CAPZB: variants seen among roughly 807,000 people sequenced by gnomAD.
CAPZB encodes the protein F-actin-capping protein subunit beta.
Under a neutral mutation model 38.1 loss-of-function variants are expected in CAPZB, and 2 were observed. The ratio of observed to expected loss-of-function variants is 0.05; its 90% CI spans 0.02 to 0.17. CAPZB has a LOEUF of 0.17. CAPZB is among the 10% of genes least tolerant of loss of function. The pLI is 1.00. For missense variants in CAPZB, 161 were observed against 334.2 expected, an observed-to-expected ratio of 0.48 and a Z score of 4.04; for synonymous variants, 107 against 127.4, an observed-to-expected ratio of 0.84 and a Z score of 1.08.
At chr1:19,342,879 C>T (rs1212441464) in intron 8 of CAPZB, 2 of 1,461,462 alleles carry the variant, frequency 1.4e-6, no homozygotes, top group Non-Finnish European at 1.9e-6. Flanking sequence ...AGAGAGTGTT[C>T]AAGATGAGTG....
intron 2 of CAPZB, 103 bp from the exon 3 acceptor site, chr1:19,385,729 T>C (rs775479259): frequency 2.8e-6 from 4 of 1,422,782 alleles, no homozygotes; most frequent in Non-Finnish European, 4.0e-6. Context: ...ACCTTTAACA[T>C]CTGGCCCTGG....
At chr1:19,410,031 A>G (rs1408607764) in intron 2 of CAPZB, among the ~76,000 whole-genome samples, 1 of 152,242 alleles carries the variant, frequency 6.6e-6, no homozygotes, top group African/African-American at 2.4e-5. Flanking sequence ...CATTTATTGA[A>G]CAATTATTTT....
At chr1:19,406,516 C>T (rs1318431727) in intron 2 of CAPZB, among the ~76,000 whole-genome samples, 2 of 152,178 alleles carry the variant, frequency 1.3e-5, no homozygotes, top group African/African-American at 4.8e-5. Flanking sequence ...CATTCAGAGT[C>T]AGCCATCCTC....
At chr1:19,466,741 G>A (rs1334413333) in intron 1 of CAPZB, among the ~76,000 whole-genome samples, 1 of 152,172 alleles carries the variant, frequency 6.6e-6, no homozygotes, top group Non-Finnish European at 1.5e-5. Flanking sequence ...GCAGGCCAAT[G>A]GGGTTTAAGG....
chr1:19,441,038 C>G (rs533640023), intron 1 of CAPZB, among the ~76,000 whole-genome samples: 2 of 151,954 alleles, frequency 1.3e-5, no homozygotes, highest in African/African-American at 4.8e-5. Context: ...CCAGCCTGGG[C>G]GACAGAGTGA....
intron 2 of CAPZB, among the ~76,000 whole-genome samples, chr1:19,387,249 GTCCCT>G (rs2094209147): frequency 6.6e-6 from 1 of 152,176 alleles, no homozygotes. Flanking sequence ...TGAGTCCAAA[GTCCCT>G]ACTCCTCCTA....
chr1:19,364,736 A>G (rs2094073532), intron 4 of CAPZB, among the ~76,000 whole-genome samples: 1 of 151,610 alleles, frequency 6.6e-6, no homozygotes, highest in Admixed American at 6.6e-5. Flanking sequence ...CAAACAGGCT[A>G]CTCCTCCCTC....
At chr1:19,344,463 CA>C in intron 7 of CAPZB, 29 bp from the exon 8 acceptor site, 1 of 1,589,198 alleles carries the variant, frequency 6.3e-7, no homozygotes, top group Non-Finnish European at 8.6e-7. Context: ...AGCGCAGTGG[CA>C]AAAGGTCAGG....
At chr1:19,385,408 G>A in intron 3 of CAPZB, 97 bp downstream of exon 3, 2 of 1,439,042 alleles carry the variant, frequency 1.4e-6, no homozygotes, top group Middle Eastern at 2.5e-4. Flanking sequence ...TGGGCTGCCA[G>A]CTGCCCAAGT....
chr1:19,394,807 C>T (rs1335942814), intron 2 of CAPZB, among the ~76,000 whole-genome samples: 1 of 152,176 alleles, frequency 6.6e-6, no homozygotes, highest in Non-Finnish European at 1.5e-5. Context: ...GCACATCTGG[C>T]GGAGTAACAC....
chr1:19,444,129 G>C (rs1484271570), intron 1 of CAPZB, among the ~76,000 whole-genome samples: 3 of 152,040 alleles, frequency 2.0e-5, no homozygotes. Context: ...CTGCACTCCA[G>C]CCGGGGCAAC....
In CAPZB at chr1:19,356,348, A is replaced by G. The variant is rs1424492401; in HGVS notation, c.588+287T>C. 6.6e-6 allele frequency among the ~76,000 whole-genome samples: 1 copy of G among 152,134 alleles called. No homozygotes were observed. Among genetic ancestry groups the G allele is most frequent in the East Asian group, 1.9e-4 (1 of 5,182 alleles). ...CAAGCACCACTTCTCACAGCACAAC[A>G]TGAGCTGAAGCATGGGGATGTGCGG... On this transcript the variant is annotated intron_variant, in intron 6 of 8. Transcript: ENST00000264202. This position sits in a 1 kb window ranked among gnomAD's most constrained non-coding sequence, Gnocchi z 4.3.
At chr1:19,439,978 C>T (rs1022408957) in intron 1 of CAPZB, among the ~76,000 whole-genome samples, 1 of 152,228 alleles carries the variant, frequency 6.6e-6, no homozygotes, top group Non-Finnish European at 1.5e-5. Flanking sequence ...TCTGCCCAGA[C>T]ACAAAGAGAG....
chr1:19,477,474 A>C (rs1237540053), intron 1 of CAPZB, among the ~76,000 whole-genome samples: 63 of 152,346 alleles, frequency 4.1e-4, no homozygotes, highest in Non-Finnish European at 1.6e-4. Flanking sequence ...TCAGTGTCTC[A>C]AGACTTTTCA....
At chr1:19,447,272 C>CTTTTTTTTTT (rs35692222) in intron 1 of CAPZB, among the ~76,000 whole-genome samples, 3 of 74,874 alleles carry the variant, frequency 4.0e-5, no homozygotes, top group Non-Finnish European at 4.8e-5. Context: ...CAGACCTAAT[C>CTTTTTTTTTT]TTTTTTTTTT....
intron 4 of CAPZB, among the ~76,000 whole-genome samples, chr1:19,375,766 C>CG (rs2094141548): frequency 6.6e-6 from 1 of 152,208 alleles, no homozygotes. Flanking sequence ...GCTATGACTC[C>CG]CGGCTCCTGT....
intron 1 of CAPZB, among the ~76,000 whole-genome samples, chr1:19,478,271 G>C (rs2094613979): frequency 6.6e-6 from 1 of 152,174 alleles, no homozygotes; most frequent in South Asian, 2.1e-4. Context: ...TTCCAGGCTG[G>C]TTGGGAAGTT....
intron 1 of CAPZB, among the ~76,000 whole-genome samples, chr1:19,483,271 A>G (rs2094636983): frequency 6.6e-6 from 1 of 152,242 alleles, no homozygotes; most frequent in Non-Finnish European, 1.5e-5. Flanking sequence ...AAACGGTATC[A>G]TTAAACCTTC....
chr1:19,411,345 G>A (rs1243786548), intron 2 of CAPZB, among the ~76,000 whole-genome samples: 1 of 152,212 alleles, frequency 6.6e-6, no homozygotes. Flanking sequence ...TGTATTCTCT[G>A]AAAAATAACC....
Sources: allele counts gnomAD v4.1 joint callset (sites outside exome capture counted in the v4.1 genomes callset), GRCh38; gene constraint gnomAD v4.1.1; non-coding constraint Gnocchi (gnomAD v3.1); transcripts MANE v1.5; gene names NCBI Gene and HGNC (gene_info 2026-07-23, HGNC 2026-07-21).